The following ERBB4 variants were observed in gnomAD, a reference collection of about 807,000 sequenced individuals.
ERBB4 encodes the protein erb-b2 receptor tyrosine kinase 4, also known as receptor tyrosine-protein kinase erbB-4.
A neutral mutation model predicts 158.0 loss-of-function variants in ERBB4; 42 were observed. The ratio of observed to expected loss-of-function variants is 0.27; its 90% CI spans 0.21 to 0.34. The LOEUF is 0.34. Among genes scored for constraint, ERBB4 ranks in the 10% least tolerant of loss-of-function variants. The pLI, the probability that ERBB4 is intolerant of heterozygous loss-of-function variation, is 1.00. For missense variants in ERBB4, 1,333 were observed against 1,624.1 expected (o/e 0.82, Z 3.08); for synonymous variants, 583 against 558.7 (o/e 1.04, Z -0.61).
intron 2 of ERBB4, among the ~76,000 whole-genome samples, chr2:211,948,438 A>AC (rs2080769472): frequency 2.0e-4 from 1 of 5,050 alleles, no homozygotes; most frequent in Non-Finnish European, 4.3e-4. Flanking sequence ...CTGTCTCACA[A>AC]AAAAAAAAAA....
rs185261258 is a variant in ERBB4, at chr2:212,139,807, C to T, written c.83-14904G>A. 5.1e-4 allele frequency among the ~76,000 whole-genome samples: 78 copies of T among 152,012 alleles called. 1 individual carries two copies. Among genetic ancestry groups the T allele is most frequent in the African/African-American group, 1.9e-3 (78 of 41,540 alleles). On this transcript the variant is annotated intron_variant, in intron 1 of 27. Coordinates refer to ENST00000342788, the MANE Select transcript of ERBB4 (RefSeq NM_005235.3). ...ACACACACTAACTTCTATTTTTAATCCTGCCACAGCACGAATCTGATCAAT... is the reference window on the plus strand; with the variant it reads ...ACACACACTAACTTCTATTTTTAATTCTGCCACAGCACGAATCTGATCAAT...
intron 1 of ERBB4, among the ~76,000 whole-genome samples, chr2:212,358,368 A>T (rs1208996612): frequency 5.3e-5 from 8 of 151,062 alleles, no homozygotes; most frequent in Non-Finnish European, 1.2e-4. Context: ...ACTTTTTTTA[A>T]AAAAAAAACA....
chr2:212,373,349 A>G (rs1402764051), intron 1 of ERBB4, among the ~76,000 whole-genome samples: 2 of 151,920 alleles, frequency 1.3e-5, no homozygotes, highest in African/African-American at 4.8e-5. Context: ...CTCCTATAAC[A>G]CCTCTTGTTA....
At chr2:212,312,506 A>G (rs6721859) in intron 1 of ERBB4, among the ~76,000 whole-genome samples, 4,853 of 150,964 alleles carry the variant, frequency 0.032, 267 homozygotes, top group African/African-American at 0.11. Context: ...TTTTCTTGCT[A>G]CTGATATTGT....
chr2:212,191,702 CGTGTTATACATGTTACATATAACACGT>C (rs2082224360), intron 1 of ERBB4, among the ~76,000 whole-genome samples: 1 of 38,198 alleles, frequency 2.6e-5, no homozygotes, highest in Non-Finnish European at 6.1e-5. Flanking sequence ...ACATATAACA[CGTGTTATACATGTTACATATAACACGT>C]GTTATACATG....
At chr2:212,124,566 C>T (rs1315743180) in intron 2 of ERBB4, 186 bp downstream of exon 2, 4 of 635,094 alleles carry the variant, frequency 6.3e-6, no homozygotes, top group Non-Finnish European at 1.1e-5. Flanking sequence ...GAGCGTCAGT[C>T]ATTATGGCTT....
At chr2:212,085,330 A>G (rs550602917) in intron 2 of ERBB4, among the ~76,000 whole-genome samples, 1 of 152,092 alleles carries the variant, frequency 6.6e-6, no homozygotes, top group Non-Finnish European at 1.5e-5. Flanking sequence ...AAGTATTCCT[A>G]CATGTGTATT....
At chr2:212,349,868 C>G (rs2089178192) in intron 1 of ERBB4, among the ~76,000 whole-genome samples, 1 of 151,854 alleles carries the variant, frequency 6.6e-6, no homozygotes, top group South Asian at 2.1e-4. Flanking sequence ...CCAGCAAAAT[C>G]AAGGTTCTGT....
chr2:212,124,864 T>G lies in ERBB4; in HGVS notation c.122A>C (p.Asp41Ala), dbSNP rs2079872429. The change falls in exon 2 of 28, where the codon GAC becomes GCC. Residue 41 changes from aspartate to alanine, a missense_variant. Asp to Ala is a moderately radical substitution (Grantham distance 126, BLOSUM62 -2). This residue lies in a region of ERBB4 where 438 missense variants were observed against 586.9 expected (regional missense o/e 0.75). Transcript: ENST00000342788. ...CAAGGCTCGGTACTGCTGTTCCAGG[T>G]CAGAGAGAGAGCTCAGTTTATTCTC... ...GTENKLSSLS[D>A]LEQQYRALRK... 1 of 1,614,046 alleles carries G rather than the reference T, an allele frequency of 6.2e-7. No individual in the cohort carries two copies. The highest frequency in any genetic ancestry group is 8.5e-7 in the Non-Finnish European group (1 of 1,180,024).
chr2:211,542,834 A>G (rs2066848053), intron 20 of ERBB4, among the ~76,000 whole-genome samples: 1 of 151,902 alleles, frequency 6.6e-6, no homozygotes, highest in South Asian at 2.1e-4. Flanking sequence ...TAAAATCACA[A>G]CTCTTCAAGG....
At chr2:211,635,902 T>A (rs1181483313) in intron 16 of ERBB4, among the ~76,000 whole-genome samples, 1 of 152,064 alleles carries the variant, frequency 6.6e-6, no homozygotes, top group Non-Finnish European at 1.5e-5. Context: ...CAACTAAAGA[T>A]AAAACAACCT....
chr2:212,123,572 TATCA>T (rs1372819944), intron 2 of ERBB4, among the ~76,000 whole-genome samples: 3 of 152,094 alleles, frequency 2.0e-5, no homozygotes, highest in Non-Finnish European at 4.4e-5. Flanking sequence ...AACAGAGCTC[TATCA>T]ATCAAGTAGA....
Position 212,078,846 on chromosome 2 carries a change from T to C in ERBB4, c.234+45906A>G, listed in dbSNP as rs572760536. On this transcript the variant is annotated intron_variant, in intron 2 of 27. Transcript: ENST00000342788. ...ACTAATAGTTTATAACACTAATTAT[T>C]ACTAGTTACCATTTTATACTGATAT... is the stretch of plus-strand genomic sequence containing the variant. Among the ~76,000 whole-genome samples the C allele has an allele frequency of 2.5e-3, 381 of 151,302 alleles. 1 individual carries two copies. The highest frequency in any genetic ancestry group is 8.8e-3 in the African/African-American group (366 of 41,406).
At chr2:212,308,350 T>C (rs1180007043) in intron 1 of ERBB4, among the ~76,000 whole-genome samples, 1 of 151,114 alleles carries the variant, frequency 6.6e-6, no homozygotes, top group Non-Finnish European at 1.5e-5. Context: ...CCTGAATGTA[T>C]AACACTTCAT....
chr2:211,396,813 A>G (rs1354904055), intron 25 of ERBB4, among the ~76,000 whole-genome samples: 1 of 152,176 alleles, frequency 6.6e-6, no homozygotes, highest in African/African-American at 2.4e-5. Flanking sequence ...AGTTTATGCA[A>G]ACTGTTTACC....
chr2:211,957,946 C>T (rs1304726216), intron 2 of ERBB4, among the ~76,000 whole-genome samples: 1 of 152,044 alleles, frequency 6.6e-6, no homozygotes, highest in African/African-American at 2.4e-5. Context: ...TGGCTGACAA[C>T]AGCTGCCTCT....
At chr2:211,861,839 C>T (rs2078063510) in intron 3 of ERBB4, among the ~76,000 whole-genome samples, 1 of 152,072 alleles carries the variant, frequency 6.6e-6, no homozygotes, top group Admixed American at 6.5e-5. Flanking sequence ...AAAACTAAAA[C>T]AGAGGATTTG....
At chr2:212,306,550 T>TTAA (rs1179502500) in intron 1 of ERBB4, among the ~76,000 whole-genome samples, 1 of 151,440 alleles carries the variant, frequency 6.6e-6, no homozygotes, top group Non-Finnish European at 1.5e-5. Flanking sequence ...GCTTGTCATG[T>TTAA]TAATAGTGAA....
At chr2:212,135,973 T>C (rs372233965) in intron 1 of ERBB4, among the ~76,000 whole-genome samples, 112 of 152,306 alleles carry the variant, frequency 7.4e-4, no homozygotes, top group Middle Eastern at 3.4e-3. Flanking sequence ...GCTGGTAAAA[T>C]GCCAGTGGGA....
Sources: gnomAD v4.1 joint callset for allele counts (sites outside exome capture counted in the v4.1 genomes callset) on GRCh38, gnomAD v4.1.1 for gene constraint, gnomAD v4.1.1 regional missense constraint, MANE v1.5 for transcripts, NCBI Gene and HGNC (gene_info 2026-07-23, HGNC 2026-07-21) for gene names.